The following ABCB4 variants were observed in gnomAD, a reference collection of about 807,000 sequenced individuals.
ABCB4 encodes ATP binding cassette subfamily B member 4, also known as phosphatidylcholine translocator ABCB4.
A neutral mutation model predicts 145.7 loss-of-function variants in ABCB4; 76 were observed. That is an observed-to-expected ratio of 0.52 (90% CI 0.43 to 0.63). The LOEUF (loss-of-function observed/expected upper bound fraction) is 0.63. ABCB4 is among the 30% of genes least tolerant of loss of function. The probability of loss-of-function intolerance (pLI) is 0.00; values close to 1 mark genes in which losing one functional copy is unlikely to be tolerated. For missense variants in ABCB4, 1,234 were observed against 1,553.1 expected (o/e 0.79, Z 3.45); for synonymous variants, 517 against 566.8 (o/e 0.91, Z 1.25).
At chr7:87,393,326 C>G in the ABCB4 span, among the ~76,000 whole-genome samples, 1 of 152,058 alleles carries the variant, frequency 6.6e-6, no homozygotes, top group African/African-American at 2.4e-5. Flanking sequence ...TATCATCATC[C>G]TCAAAATCAG....
At chr7:87,467,285 G>C (rs1490500456) in intron 3 of ABCB4, among the ~76,000 whole-genome samples, 1 of 152,118 alleles carries the variant, frequency 6.6e-6, no homozygotes, top group African/African-American at 2.4e-5. Context: ...AACCAACAAA[G>C]ATCAAAAGAG....
At chr7:87,375,678 C>T in the ABCB4 span, 1 of 1,613,552 alleles carries the variant, frequency 6.2e-7, no homozygotes, top group East Asian at 2.2e-5. Context: ...ACCTGATGGA[C>T]CTGGGATTGC....
Position 87,401,796 on chromosome 7 carries a change from A to G in ABCB4, c.*300T>C. ...TTCAGGACCATAAGACCATTTCCCT[A>G]TGTCTGTGGCTTCTATATTTCTACA... On this transcript the variant is annotated 3_prime_UTR_variant, in exon 28 of 28. Transcript: ENST00000649586. 2.1e-6 allele frequency: 1 copy of G among 473,520 alleles called. No individual in the cohort carries two copies. The highest frequency in any genetic ancestry group is 2.9e-5 in the Admixed American group (1 of 34,724). 29.3% of individuals were successfully genotyped at this position (473,520 alleles called of 1,614,324 possible).
rs45550235 is a variant in ABCB4 at position 87,411,868 on chromosome 7, T to A, written c.2924+25A>T. On this transcript the variant is annotated intron_variant, in intron 23 of 27. Transcript: ENST00000649586. ...CTACTAAAACCTTATTATAGAATAA[T>A]CTTAATATTTCTAAAGCTACTTACA... 56 of 1,606,956 alleles carry A rather than the reference T, an allele frequency of 3.5e-5. No homozygotes were observed. The East Asian group carries it at 1.2e-3, about 35-fold the overall frequency.
At chr7:87,448,397 T>C (rs1212481288) in intron 8 of ABCB4, among the ~76,000 whole-genome samples, 4 of 152,222 alleles carry the variant, frequency 2.6e-5, no homozygotes, top group Non-Finnish European at 4.4e-5. Flanking sequence ...GTTTGTCTTT[T>C]TTATTGCGTA....
Position 87,413,538 on chromosome 7 carries a change from GC to G in ABCB4, c.2783+78del. On this transcript the variant is annotated intron_variant, in intron 22 of 27. Coordinates refer to ENST00000649586, the MANE Select transcript of ABCB4 (RefSeq NM_000443.4). The stretch of plus-strand genomic sequence containing the variant: ...TCATATCATTGTTTGGAGCAGCAGA[GC>G]TTTTATTATCTTTTTGGGACAATAA... 6 of 942,298 alleles carry G rather than the reference GC, an allele frequency of 6.4e-6. No individual in the cohort carries two copies. The South Asian group carries it at 7.8e-5, about 12-fold the overall frequency. 58.4% of individuals were successfully genotyped at this position (942,298 alleles called of 1,614,324 possible).
Position 87,460,312 on chromosome 7 carries a change from CA to C in ABCB4, c.286+2445del, listed in dbSNP as rs527511619. Among the ~76,000 whole-genome samples the C allele has an allele frequency of 7.6e-4, 115 of 152,068 alleles. No individual in the cohort carries two copies. The South Asian group carries it at 7.9e-3, about 10-fold the overall frequency. ...ATAATTTCAATTTTTATTTTAGATTCAGGGGGTATATGTGCAGTTCTGTTAC... is the reference window on the plus strand; with the variant it reads ...ATAATTTCAATTTTTATTTTAGATTCGGGGGTATATGTGCAGTTCTGTTAC... On this transcript the variant is annotated intron_variant, in intron 4 of 27. Coordinates refer to ENST00000649586, the MANE Select transcript of ABCB4 (RefSeq NM_000443.4).
intron 26 of ABCB4, among the ~76,000 whole-genome samples, chr7:87,404,813 T>C (rs1259491305): frequency 1.3e-5 from 2 of 152,214 alleles, no homozygotes; most frequent in Non-Finnish European, 2.9e-5. Context: ...AAAGCCACAG[T>C]GATGTATCAC....
the ABCB4 span, among the ~76,000 whole-genome samples, chr7:87,376,294 A>G: frequency 1.3e-5 from 2 of 152,138 alleles, no homozygotes; most frequent in Non-Finnish European, 1.5e-5. Flanking sequence ...CAAAGGTGAA[A>G]TGATAACCTA....
chr7:87,401,746 C>T lies in ABCB4; in HGVS notation c.*350G>A. 3.1e-6 allele frequency: 1 copy of T among 318,804 alleles called. No individual in the cohort carries two copies. Among genetic ancestry groups the T allele is most frequent in the Non-Finnish European group, 6.0e-6 (1 of 165,768 alleles). The allele number at this position is 318,804 out of a possible 1,614,324, so 19.7% of individuals were successfully genotyped here. A position where few individuals can be genotyped will look rare whatever the true frequency, so the allele number is the denominator to read the frequency against. On this transcript the variant is annotated 3_prime_UTR_variant, in exon 28 of 28. Coordinates refer to ENST00000649586, the MANE Select transcript of ABCB4 (RefSeq NM_000443.4). ...CTTTTGTACTTGGGAAAATTATTCC[C>T]AAACTTTCCTGTCTACCCAACCCAT...
Position 87,408,240 on chromosome 7 carries a change from T to C in ABCB4, c.3082-6A>G. ...ATATTTCCTTCAAATTTATCCTGAA[T>C]AAATGTTTAAATGTTGCTATTATAA... On this transcript the variant is annotated splice_polypyrimidine_tract_variant and splice_region_variant and intron_variant, in intron 24 of 27. Coordinates refer to ENST00000649586, the MANE Select transcript of ABCB4 (RefSeq NM_000443.4). 6.2e-7 allele frequency: 1 copy of C among 1,610,414 alleles called. No homozygotes were observed. Among genetic ancestry groups the C allele is most frequent in the East Asian group, 2.2e-5 (1 of 44,788 alleles).
Position 87,413,586 on chromosome 7 carries a change from G to C in ABCB4, c.2783+31C>G, listed in dbSNP as rs777258894. 3.7e-6 allele frequency: 5 copies of C among 1,355,030 alleles called. No homozygotes were observed. The Admixed American group carries it at 6.7e-5, about 18-fold the overall frequency. The allele number at this position is 1,355,030 out of a possible 1,614,324, so 83.9% of individuals were successfully genotyped here. A position where few individuals can be genotyped will look rare whatever the true frequency, so the allele number is the denominator to read the frequency against. On this transcript the variant is annotated intron_variant, in intron 22 of 27. Transcript: ENST00000649586. The stretch of plus-strand genomic sequence containing the variant: ...ATAATTCAGCCTTAGGAAAGCACTA[G>C]GTTCTTAGCAGGAATCATATGGTTC...
At chr7:87,378,361 A>AAAAG in the ABCB4 span, among the ~76,000 whole-genome samples, 1 of 151,466 alleles carries the variant, frequency 6.6e-6, no homozygotes, top group Non-Finnish European at 1.5e-5. Flanking sequence ...AAAAAAAAAA[A>AAAAG]AGGGTTCAGT....
chr7:87,378,874 G>A, the ABCB4 span, among the ~76,000 whole-genome samples: 5 of 152,186 alleles, frequency 3.3e-5, no homozygotes, highest in African/African-American at 9.7e-5. Context: ...TCAGAACAAG[G>A]TGGATTGGTT....
chr7:87,440,057 A>G, intron 13 of ABCB4, 142 bp downstream of exon 13: 1 of 1,139,656 alleles, frequency 8.8e-7, no homozygotes, highest in East Asian at 2.6e-5. Context: ...TTAACCCCTA[A>G]CTGAGTCATT....
intron 18 of ABCB4, 119 bp from the exon 19 acceptor site, chr7:87,420,194 C>T (rs925050101): frequency 9.9e-6 from 9 of 910,780 alleles, no homozygotes; most frequent in African/African-American, 8.2e-5. Flanking sequence ...GCCACGGATC[C>T]TCAAGTCATG....
intron 26 of ABCB4, among the ~76,000 whole-genome samples, chr7:87,404,697 A>G (rs1213658966): frequency 6.6e-6 from 1 of 152,074 alleles, no homozygotes; most frequent in Non-Finnish European, 1.5e-5. Context: ...TCCAATTAGA[A>G]TATGGGCAAA....
chr7:87,376,765 A>G, the ABCB4 span, among the ~76,000 whole-genome samples: 1 of 152,046 alleles, frequency 6.6e-6, no homozygotes, highest in Non-Finnish European at 1.5e-5. Flanking sequence ...CTATATATAC[A>G]TGTGTATATG....
rs547953153 is a variant in ABCB4, at chr7:87,470,566, C to T, written c.135+2055G>A. 2.6e-5 allele frequency among the ~76,000 whole-genome samples: 4 copies of T among 152,274 alleles called. No individual in the cohort carries two copies. The East Asian group carries it at 7.7e-4, about 29-fold the overall frequency. ...CCAACAAGTGGGTGAAGGATATGAACAGACACTCCTCAAAAGAAGACATTT... is the reference window on the plus strand; with the variant it reads ...CCAACAAGTGGGTGAAGGATATGAATAGACACTCCTCAAAAGAAGACATTT... On this transcript the variant is annotated intron_variant, in intron 3 of 27. Coordinates refer to ENST00000649586, the MANE Select transcript of ABCB4 (RefSeq NM_000443.4).
Sources: allele counts gnomAD v4.1 joint callset (sites outside exome capture counted in the v4.1 genomes callset), GRCh38; gene constraint gnomAD v4.1.1; transcripts MANE v1.5; gene names NCBI Gene and HGNC (gene_info 2026-07-23, HGNC 2026-07-21).